Variants in SGCZ observed in about 807,000 individuals in gnomAD.
The protein encoded by SGCZ is zeta-sarcoglycan.
Under a neutral mutation model 41.3 loss-of-function variants are expected in SGCZ, and 40 were observed. The ratio of observed to expected loss-of-function variants is 0.97; its 90% CI spans 0.75 to 1.26. SGCZ has a LOEUF of 1.26. Among genes scored for constraint, SGCZ ranks in the 50% most tolerant of loss-of-function variants. The pLI is 0.00. For synonymous variants in SGCZ, 206 were observed against 137.5 expected (o/e 1.50, Z -3.49); for missense variants, 552 against 369.8 (o/e 1.49, Z -4.04).
chr8:14,340,495 T>A (rs1164112847), intron 2 of SGCZ, among the ~76,000 whole-genome samples: 2 of 152,152 alleles, frequency 1.3e-5, no homozygotes, highest in African/African-American at 2.4e-5. Flanking sequence ...ATCCCTGTGG[T>A]CTTATTTTAA....
intron 2 of SGCZ, among the ~76,000 whole-genome samples, chr8:14,416,521 C>T (rs1156248711): frequency 6.6e-6 from 1 of 151,794 alleles, no homozygotes; most frequent in African/African-American, 2.4e-5. Flanking sequence ...GTGAAGGCCC[C>T]AGATGCCTCC....
chr8:14,150,125 C>T (rs888620431), intron 5 of SGCZ, among the ~76,000 whole-genome samples: 3 of 152,122 alleles, frequency 2.0e-5, no homozygotes, highest in African/African-American at 7.2e-5. Context: ...GCAAAAATTT[C>T]TTGAGCAATA....
intron 1 of SGCZ, among the ~76,000 whole-genome samples, chr8:15,001,336 C>T (rs1366705732): frequency 6.6e-6 from 1 of 152,186 alleles, no homozygotes; most frequent in Non-Finnish European, 1.5e-5. Context: ...TCAAGAGCTG[C>T]CTTTGGGAGT....
intron 1 of SGCZ, among the ~76,000 whole-genome samples, chr8:15,048,449 T>C (rs1041741895): frequency 6.6e-6 from 1 of 152,034 alleles, no homozygotes; most frequent in African/African-American, 2.4e-5. Flanking sequence ...TAATAATTCA[T>C]TGTGTACTTC....
At chr8:15,160,060 C>T (rs1799464560) in intron 1 of SGCZ, among the ~76,000 whole-genome samples, 1 of 151,812 alleles carries the variant, frequency 6.6e-6, no homozygotes, top group African/African-American at 2.4e-5. Context: ...CCATATTGGC[C>T]CATTTTTAAG....
chr8:15,180,136 G>C (rs773731211), intron 1 of SGCZ, among the ~76,000 whole-genome samples: 14 of 152,268 alleles, frequency 9.2e-5, no homozygotes, highest in Non-Finnish European at 1.8e-4. Flanking sequence ...AACCACCCTA[G>C]TCATGATAAC....
At chr8:14,709,138 G>C (rs1389157002) in intron 1 of SGCZ, among the ~76,000 whole-genome samples, 1 of 152,104 alleles carries the variant, frequency 6.6e-6, no homozygotes, top group Non-Finnish European at 1.5e-5. Flanking sequence ...TAGAAGAAAA[G>C]TATTTTGTCA....
intron 5 of SGCZ, among the ~76,000 whole-genome samples, chr8:14,134,482 A>T (rs1167784599): frequency 6.6e-6 from 1 of 152,226 alleles, no homozygotes; most frequent in Non-Finnish European, 1.5e-5. Flanking sequence ...GTGTCATTCA[A>T]ATTAACTGTG....
At chr8:14,368,832 G>A (rs531775876) in intron 2 of SGCZ, among the ~76,000 whole-genome samples, 2 of 151,964 alleles carry the variant, frequency 1.3e-5, no homozygotes, top group South Asian at 2.1e-4. Flanking sequence ...TACAATTGCA[G>A]CAAAAAAAAG....
chr8:14,504,420 G>T (rs1005172486), intron 2 of SGCZ, among the ~76,000 whole-genome samples: 1 of 152,140 alleles, frequency 6.6e-6, no homozygotes. Context: ...GATTTAAAAG[G>T]AAGTTTATAG....
At chr8:15,121,741 G>A (rs1240513058) in intron 1 of SGCZ, among the ~76,000 whole-genome samples, 1 of 152,054 alleles carries the variant, frequency 6.6e-6, no homozygotes, top group Non-Finnish European at 1.5e-5. Flanking sequence ...CAGGACAAAT[G>A]AGTGGAAATT....
chr8:14,246,523 C>T (rs1254295751), intron 3 of SGCZ, among the ~76,000 whole-genome samples: 1 of 151,512 alleles, frequency 6.6e-6, no homozygotes, highest in Non-Finnish European at 1.5e-5. Flanking sequence ...GTGCAGCACA[C>T]CAGCATGGCA....
chr8:15,107,537 C>A (rs1806877919), intron 1 of SGCZ, among the ~76,000 whole-genome samples: 1 of 152,198 alleles, frequency 6.6e-6, no homozygotes, highest in South Asian at 2.1e-4. Flanking sequence ...CAGTCCCCTT[C>A]TACTTTTTAC....
At chr8:14,997,475 G>A (rs1387613286) in intron 1 of SGCZ, among the ~76,000 whole-genome samples, 2 of 152,134 alleles carry the variant, frequency 1.3e-5, no homozygotes, top group Non-Finnish European at 2.9e-5. Flanking sequence ...AACCAAAAAT[G>A]TATTAACATG....
At chr8:14,257,819 C>T (rs1799517510) in intron 3 of SGCZ, among the ~76,000 whole-genome samples, 1 of 152,088 alleles carries the variant, frequency 6.6e-6, no homozygotes, top group South Asian at 2.1e-4. Context: ...GGAAGCTCTA[C>T]ATAACAAATT....
At chr8:14,532,422 C>T (rs1232938736) in intron 2 of SGCZ, among the ~76,000 whole-genome samples, 5 of 151,926 alleles carry the variant, frequency 3.3e-5, no homozygotes, top group Non-Finnish European at 7.4e-5. Context: ...CCTGTGTCCT[C>T]AATGATTACT....
At chr8:15,200,322 A>G (rs1800851927) in intron 1 of SGCZ, among the ~76,000 whole-genome samples, 1 of 152,210 alleles carries the variant, frequency 6.6e-6, no homozygotes, top group African/African-American at 2.4e-5. Flanking sequence ...TAACAACCTC[A>G]TTAGAATTCT....
intron 3 of SGCZ, among the ~76,000 whole-genome samples, chr8:14,269,614 G>T (rs1312540551): frequency 6.6e-6 from 1 of 152,012 alleles, no homozygotes; most frequent in African/African-American, 2.4e-5. Context: ...ATTGCCTTTG[G>T]GTCATTGATC....
intron 2 of SGCZ, among the ~76,000 whole-genome samples, chr8:14,401,887 A>G (rs1269422545): frequency 6.6e-6 from 1 of 150,632 alleles, no homozygotes; most frequent in East Asian, 1.9e-4. Flanking sequence ...TGGTTGAACT[A>G]GTTTACAGTC....
Sources: gnomAD v4.1 joint callset for allele counts (sites outside exome capture counted in the v4.1 genomes callset) on GRCh38, gnomAD v4.1.1 for gene constraint, MANE v1.5 for transcripts, NCBI Gene and HGNC (gene_info 2026-07-23, HGNC 2026-07-21) for gene names.